Variants in TTLL9 observed in about 807,000 individuals in gnomAD.
TTLL9 encodes the protein probable tubulin polyglutamylase TTLL9.
TTLL9 carries 47 observed loss-of-function variants against 65.6 expected under a neutral mutation model. The ratio of observed to expected loss-of-function variants is 0.72; its 90% CI spans 0.57 to 0.91. The LOEUF is 0.91. Ranked by LOEUF, TTLL9 falls within the 40% of genes least tolerant of loss-of-function variation. TTLL9 has a pLI of 0.00. For missense variants in TTLL9, 537 were observed against 568.8 expected (o/e 0.94, Z 0.57); for synonymous variants, 179 against 204.8 (o/e 0.87, Z 1.07).
intron 2 of TTLL9, among the ~76,000 whole-genome samples, chr20:31,883,466 G>A (rs1600523571): frequency 1.3e-5 from 2 of 152,230 alleles, no homozygotes; most frequent in Non-Finnish European, 1.5e-5. Context: ...AAAGTGCTGG[G>A]ATTACAGGCC....
In TTLL9 at chr20:31,913,169, A is replaced by G. The variant is rs556470521; in HGVS notation, c.504+3247A>G. ...GTGAGACCCTATCTAAAAAAAAATT[A>G]ATAATTGTAGATGTTAATCACATCT... On this transcript the variant is annotated intron_variant, in intron 6 of 14. Transcript: ENST00000535842. Among the ~76,000 whole-genome samples, 5 of 152,232 alleles carry G rather than the reference A, an allele frequency of 3.3e-5. No individual in the cohort carries two copies. The South Asian group carries it at 1.0e-3, about 32-fold the overall frequency.
At chr20:31,912,603 A>ATGTGTGTGTGTG (rs61107814) in intron 6 of TTLL9, among the ~76,000 whole-genome samples, 2 of 141,002 alleles carry the variant, frequency 1.4e-5, no homozygotes, top group East Asian at 4.4e-4. Flanking sequence ...GTGTATGTGT[A>ATGTGTGTGTGTG]TGTGTGTGTG....
rs899322499 is a variant in TTLL9, at chr20:31,870,798, C to G, written c.-157C>G. 8.0e-6 allele frequency: 4 copies of G among 496,898 alleles called. No individual in the cohort carries two copies. Among genetic ancestry groups the G allele is most frequent in the Admixed American group, 3.8e-5 (1 of 26,000 alleles). 30.8% of individuals were successfully genotyped at this position (496,898 alleles called of 1,614,324 possible). On this transcript the variant is annotated 5_prime_UTR_variant, in exon 1 of 15. Coordinates refer to ENST00000535842, the MANE Select transcript of TTLL9 (RefSeq NM_001008409.5). The surrounding 1 kb of genome is among the most constrained non-coding windows in gnomAD (Gnocchi z 6.6). ...GCCCCCCGGCCGGCCCACAAACTCC[C>G]GTCCCCCTTCCGGCTCTGCCTGGAC...
chr20:31,933,205 G>A (rs2064050138), intron 10 of TTLL9, among the ~76,000 whole-genome samples: 1 of 152,170 alleles, frequency 6.6e-6, no homozygotes, highest in African/African-American at 2.4e-5. Flanking sequence ...GATGTCACTG[G>A]TGGTGACGAT....
Position 31,925,012 on chromosome 20 carries a change from G to A in TTLL9, c.668G>A (p.Arg223His), listed in dbSNP as rs774020489. 1.1e-5 allele frequency: 17 copies of A among 1,613,864 alleles called. No individual in the cohort carries two copies. The highest frequency in any genetic ancestry group is 1.1e-5 in the Non-Finnish European group (13 of 1,179,958). ...TAATTTTTTCCTTGCCTGACAGGCC[G>A]CAAGTTTGACCTGCGTGTCTATGTG... The part of the protein sequence containing the change: ...YIENPYLIGG[R>H]KFDLRVYVLV... Residue 223 changes from arginine to histidine, a missense_variant, in exon 9 of 15, where the codon CGC becomes CAC. Around this residue, in one of 3 missense-constraint regions of TTLL9, gnomAD observed 320 missense variants for 311.0 expected, o/e 1.03. Transcript: ENST00000535842.
At chr20:31,938,053 TCTCTCCCTTTCTCCCTCCCTCTCC>T (rs1485650441) in intron 13 of TTLL9, 2 of 404,370 alleles carry the variant, frequency 4.9e-6, no homozygotes, top group Admixed American at 5.0e-5. Flanking sequence ...TGTTTCTCTC[TCTCTCCCTTTCTCCCTCCCTCTCC>T]CTCTCCCTCC....
At position 31,942,933 on chromosome 20, in the gene TTLL9, C is replaced by T. The variant is rs752583274; in HGVS notation, c.1244-12C>T. The T allele has an allele frequency of 1.2e-6, 2 of 1,614,096 alleles. No homozygotes were observed. The highest frequency in any genetic ancestry group is 1.7e-6 in the Non-Finnish European group (2 of 1,179,964). On this transcript the variant is annotated splice_polypyrimidine_tract_variant and intron_variant, in intron 14 of 14. Transcript: ENST00000535842. ...ATAGGTCATCCCAGCCAACACCCCA[C>T]TTCCTTTCCAGGCTGCGTCAACGAT...
Position 31,943,073 on chromosome 20 carries a change from C to A in TTLL9, c.*52C>A. ...CTTAGCAGGTGCCACCCAGGCCTCC[C>A]CCCCACTCCCAGATCCCAGCACAGC... On this transcript the variant is annotated 3_prime_UTR_variant, in exon 15 of 15. Transcript: ENST00000535842. The A allele has an allele frequency of 6.6e-7, 1 of 1,526,526 alleles. No individual in the cohort carries two copies. The highest frequency in any genetic ancestry group is 9.1e-7 in the Non-Finnish European group (1 of 1,102,944). 94.6% of individuals were successfully genotyped at this position (1,526,526 alleles called of 1,614,324 possible).
At chr20:31,911,456 T>C (rs2063644317) in intron 6 of TTLL9, among the ~76,000 whole-genome samples, 1 of 152,166 alleles carries the variant, frequency 6.6e-6, no homozygotes, top group South Asian at 2.1e-4. Flanking sequence ...ACACAGGTGC[T>C]TGGAGGGGAA....
chr20:31,943,096 A>T lies in TTLL9; in HGVS notation c.*75A>T. 2 of 1,358,406 alleles carry T rather than the reference A, an allele frequency of 1.5e-6. No individual in the cohort carries two copies. The highest frequency in any genetic ancestry group is 2.1e-6 in the Non-Finnish European group (2 of 953,470). The allele number at this position is 1,358,406 out of a possible 1,614,324, so 84.1% of individuals were successfully genotyped here. A position where few individuals can be genotyped will look rare whatever the true frequency, so the allele number is the denominator to read the frequency against. ...CCCCCCCACTCCCAGATCCCAGCAC[A>T]GCACCTCACAGCATTCGCCTCCCCA... is the stretch of plus-strand genomic sequence containing the variant. On this transcript the variant is annotated 3_prime_UTR_variant, in exon 15 of 15. Transcript: ENST00000535842.
intron 3 of TTLL9, among the ~76,000 whole-genome samples, chr20:31,887,558 C>G (rs535340165): frequency 6.6e-6 from 1 of 152,294 alleles, no homozygotes; most frequent in African/African-American, 2.4e-5. Flanking sequence ...AGGGGCAGAG[C>G]TAGTTGGACT....
Position 31,873,696 on chromosome 20 carries a change from A to G in TTLL9, c.69+2501A>G, listed in dbSNP as rs377102496. Among the ~76,000 whole-genome samples the G allele has an allele frequency of 3.5e-3, 334 of 94,502 alleles. 5 individuals are homozygous for G. Among genetic ancestry groups the G allele is most frequent in the African/African-American group, 0.015 (320 of 20,670 alleles). The allele number at this position is 94,502 out of a possible 152,430, so 62.0% of individuals were successfully genotyped here. On this transcript the variant is annotated intron_variant, in intron 2 of 14. Coordinates refer to ENST00000535842, the MANE Select transcript of TTLL9 (RefSeq NM_001008409.5). Reference sequence around the variant, plus strand: ...AGAAAGAGAGAGAGAGAAAGAAAGAAAGAAAGAAAGAAAGAAAGAAAGAAA... The same window carrying G: ...AGAAAGAGAGAGAGAGAAAGAAAGAGAGAAAGAAAGAAAGAAAGAAAGAAA...
rs978852612 is a variant in TTLL9, at chr20:31,898,456, A to G, written c.114-17A>G. 6.2e-7 allele frequency: 1 copy of G among 1,611,942 alleles called. No homozygotes were observed. The highest frequency in any genetic ancestry group is 8.5e-7 in the Non-Finnish European group (1 of 1,178,176). On this transcript the variant is annotated splice_polypyrimidine_tract_variant and intron_variant, in intron 3 of 14. Coordinates refer to ENST00000535842, the MANE Select transcript of TTLL9 (RefSeq NM_001008409.5). ...AATCATTGATCCTGAGCAAATGTTC[A>G]TTGCCTTGTCTTGCAGAGAGCAGAG...
At chr20:31,875,718 G>GA (rs1202435071) in intron 2 of TTLL9, among the ~76,000 whole-genome samples, 8 of 152,014 alleles carry the variant, frequency 5.3e-5, no homozygotes, top group Non-Finnish European at 8.8e-5. Flanking sequence ...TTTCATTGGG[G>GA]AAAAAAATCT....
intron 2 of TTLL9, among the ~76,000 whole-genome samples, chr20:31,873,789 A>G (rs2062986835): frequency 8.0e-6 from 1 of 125,562 alleles, no homozygotes; most frequent in Non-Finnish European, 1.7e-5. Context: ...AAAGAAAAAG[A>G]AAGAAAGGAA....
At chr20:31,890,243 C>T (rs938636571) in intron 3 of TTLL9, among the ~76,000 whole-genome samples, 2 of 148,238 alleles carry the variant, frequency 1.3e-5, no homozygotes, top group African/African-American at 2.5e-5. Flanking sequence ...CAGGAACTTA[C>T]CCTTTCTAGC....
chr20:31,894,720 T>TACACAC (rs10582768), intron 3 of TTLL9, among the ~76,000 whole-genome samples: 6 of 148,900 alleles, frequency 4.0e-5, no homozygotes, highest in South Asian at 2.1e-4. Context: ...TACATGTATA[T>TACACAC]ACACACACAC....
intron 2 of TTLL9, among the ~76,000 whole-genome samples, chr20:31,885,369 G>A (rs537258996): frequency 3.3e-5 from 5 of 152,002 alleles, no homozygotes; most frequent in Admixed American, 2.0e-4. Context: ...ACACAGTCTC[G>A]AGATAGATCC....
chr20:31,900,886 G>A (rs769146626), intron 4 of TTLL9, among the ~76,000 whole-genome samples: 2 of 152,198 alleles, frequency 1.3e-5, no homozygotes, highest in Non-Finnish European at 2.9e-5. Flanking sequence ...CAGGGGAAGA[G>A]AGTCTGAGGA....
Sources: gnomAD v4.1 joint callset for allele counts (sites outside exome capture counted in the v4.1 genomes callset) on GRCh38, gnomAD v4.1.1 for gene constraint, gnomAD v4.1.1 regional missense constraint, Gnocchi (gnomAD v3.1) non-coding constraint, MANE v1.5 for transcripts, NCBI Gene and HGNC (gene_info 2026-07-23, HGNC 2026-07-21) for gene names.